The following ESRRG variants were observed in gnomAD, a reference collection of about 807,000 sequenced individuals.
ESRRG encodes the protein estrogen-related receptor gamma.
In ESRRG, 13 loss-of-function variants were observed where a neutral mutation model predicts 44.0. The ratio of observed to expected loss-of-function variants is 0.30; its 90% CI spans 0.19 to 0.47. The LOEUF (loss-of-function observed/expected upper bound fraction) is 0.47, where lower values mean the gene tolerates loss of function less well. ESRRG is among the 20% of genes least tolerant of loss of function. The probability of loss-of-function intolerance (pLI) is 1.00; values close to 1 mark genes in which losing one functional copy is unlikely to be tolerated. For synonymous variants in ESRRG, 215 were observed against 214.6 expected (o/e 1.00, Z -0.02); for missense variants, 395 against 580.6 (o/e 0.68, Z 3.29).
intron 5 of ESRRG, among the ~76,000 whole-genome samples, chr1:216,540,727 A>G (rs1303699766): frequency 6.6e-6 from 1 of 152,080 alleles, no homozygotes; most frequent in Non-Finnish European, 1.5e-5. Context: ...AACAATAGCT[A>G]GAAATAAAGA....
intron 5 of ESRRG, among the ~76,000 whole-genome samples, chr1:216,552,857 A>G (rs1203639910): frequency 6.6e-6 from 1 of 152,184 alleles, no homozygotes; most frequent in Non-Finnish European, 1.5e-5. Flanking sequence ...ATAAACAATC[A>G]TATTTTGAAA....
At chr1:217,113,349 CTG>C (rs371974832) in intron 1 of ESRRG, among the ~76,000 whole-genome samples, 4 of 152,302 alleles carry the variant, frequency 2.6e-5, no homozygotes, top group Non-Finnish European at 4.4e-5. Context: ...TCAGTAACTG[CTG>C]TGTGTCTCCC....
chr1:216,816,795 G>A (rs1489740776), intron 2 of ESRRG, among the ~76,000 whole-genome samples: 6 of 152,042 alleles, frequency 3.9e-5, no homozygotes, highest in Middle Eastern at 3.2e-3. Flanking sequence ...CTAAAAAGAA[G>A]GCTTTCAAAG....
chr1:216,895,158 G>A (rs2058272137), intron 2 of ESRRG, among the ~76,000 whole-genome samples: 1 of 152,122 alleles, frequency 6.6e-6, no homozygotes, highest in African/African-American at 2.4e-5. Context: ...TTTCCTTGAA[G>A]TGTAAAACAG....
At chr1:216,736,646 C>T (rs192535624) in intron 2 of ESRRG, among the ~76,000 whole-genome samples, 1 of 152,040 alleles carries the variant, frequency 6.6e-6, no homozygotes, top group Non-Finnish European at 1.5e-5. Context: ...TCATCTGTAC[C>T]CTTGCGCTAG....
chr1:217,006,551 T>C (rs150261850), intron 1 of ESRRG, among the ~76,000 whole-genome samples: 166 of 152,180 alleles, frequency 1.1e-3, no homozygotes, highest in Admixed American at 2.7e-3. Flanking sequence ...CCAAAATGCC[T>C]GGGACCAGAA....
Position 216,903,701 on chromosome 1 carries a change from A to G in ESRRG, c.-14+35881T>C, listed in dbSNP as rs185055713. On this transcript the variant is annotated intron_variant, in intron 2 of 7. Transcript: ENST00000359162. ...GAAAAAAAAAACACTCTGAAGAGTA[A>G]GAAGTGCCTTGGGGAATTGAGGATG... Among the ~76,000 whole-genome samples, 22 of 152,218 alleles carry G rather than the reference A, an allele frequency of 1.4e-4. No individual in the cohort carries two copies. In the East Asian group the frequency reaches 4.3e-3, roughly 29 times the overall value.
chr1:216,889,265 T>C (rs2149384299), intron 2 of ESRRG, among the ~76,000 whole-genome samples: 1 of 152,312 alleles, frequency 6.6e-6, no homozygotes, highest in South Asian at 2.1e-4. Flanking sequence ...TGACTGGACA[T>C]TTCTAAGAAG....
chr1:217,046,108 C>T lies in ESRRG; in HGVS notation c.-106+43399G>A, dbSNP rs141935117. On this transcript the variant is annotated intron_variant, in intron 1 of 7. Transcript: ENST00000359162. ...GACCCAAAAGAGTTAAGGCATGTCG[C>T]CAATAAAAGGAATTATGTCAGGAAC... Among the ~76,000 whole-genome samples, 5 of 151,548 alleles carry T rather than the reference C, an allele frequency of 3.3e-5. No individual in the cohort carries two copies. The East Asian group carries it at 9.7e-4, about 29-fold the overall frequency.
intron 2 of ESRRG, among the ~76,000 whole-genome samples, chr1:216,867,860 G>A (rs1038681885): frequency 6.6e-6 from 1 of 151,950 alleles, no homozygotes; most frequent in Non-Finnish European, 1.5e-5. Flanking sequence ...AAGAATCGGG[G>A]TACAAAACAA....
chr1:216,581,078 T>C (rs1162574085), intron 3 of ESRRG, among the ~76,000 whole-genome samples: 1 of 152,152 alleles, frequency 6.6e-6, no homozygotes, highest in African/African-American at 2.4e-5. Context: ...TTACAACATA[T>C]AGACAAAAAG....
intron 1 of ESRRG, among the ~76,000 whole-genome samples, chr1:216,997,435 G>A (rs2076505524): frequency 6.6e-6 from 1 of 152,146 alleles, no homozygotes; most frequent in Non-Finnish European, 1.5e-5. Flanking sequence ...CAGATGTACA[G>A]AAAAAGAATG....
chr1:216,965,668 G>A (rs529060704), intron 1 of ESRRG, among the ~76,000 whole-genome samples: 6 of 152,262 alleles, frequency 3.9e-5, no homozygotes, highest in South Asian at 2.1e-4. Context: ...GGCCTGGGGG[G>A]AGGCCAAAGG....
chr1:216,584,878 A>G (rs1051085491), intron 3 of ESRRG, among the ~76,000 whole-genome samples: 1 of 152,236 alleles, frequency 6.6e-6, no homozygotes, highest in African/African-American at 2.4e-5. Context: ...GAGAATATCA[A>G]TGTGTAACAG....
intron 2 of ESRRG, among the ~76,000 whole-genome samples, chr1:216,674,836 C>A (rs1233699332): frequency 6.6e-6 from 1 of 151,920 alleles, no homozygotes; most frequent in Non-Finnish European, 1.5e-5. Context: ...ATCTCTTGAA[C>A]TTTTGGCCTT....
intron 2 of ESRRG, among the ~76,000 whole-genome samples, chr1:216,921,360 T>C (rs2061825141): frequency 6.6e-6 from 1 of 152,182 alleles, no homozygotes; most frequent in Non-Finnish European, 1.5e-5. Context: ...CATTACCTAC[T>C]TCTCAAGGTT....
At chr1:216,778,777 A>T (rs1559599605) in intron 2 of ESRRG, among the ~76,000 whole-genome samples, 1 of 151,662 alleles carries the variant, frequency 6.6e-6, no homozygotes, top group Admixed American at 6.6e-5. Context: ...GATTCAACCT[A>T]TGTGGAAGAA....
rs564834096 is a variant in ESRRG, at chr1:216,937,877, T to C, written c.-14+1705A>G. Among the ~76,000 whole-genome samples, 197 of 151,810 alleles carry C rather than the reference T, an allele frequency of 1.3e-3. 1 individual carries two copies. Among genetic ancestry groups the C allele is most frequent in the African/African-American group, 4.5e-3 (186 of 41,378 alleles). Reference sequence around the variant, plus strand: ...TGCAGAATGTGACCCACCAAAGAAATAGATTTACCTTTTCCAAACTGAAAT... The same window carrying C: ...TGCAGAATGTGACCCACCAAAGAAACAGATTTACCTTTTCCAAACTGAAAT... On this transcript the variant is annotated intron_variant, in intron 2 of 7. Transcript: ENST00000359162.
intron 6 of ESRRG, among the ~76,000 whole-genome samples, chr1:216,515,539 A>G (rs2043996517): frequency 6.6e-6 from 1 of 152,184 alleles, no homozygotes; most frequent in Non-Finnish European, 1.5e-5. Flanking sequence ...GAACAACAGA[A>G]TGCTGTCATG....
Sources: allele counts gnomAD v4.1 joint callset (sites outside exome capture counted in the v4.1 genomes callset), GRCh38; gene constraint gnomAD v4.1.1; transcripts MANE v1.5; gene names NCBI Gene and HGNC (gene_info 2026-07-23, HGNC 2026-07-21).